KIFC3: variants seen among roughly 807,000 people sequenced by gnomAD.
KIFC3 encodes the protein kinesin family member C3, also known as kinesin-like protein KIFC3.
A neutral mutation model predicts 101.8 loss-of-function variants in KIFC3; 60 were observed. The observed-to-expected ratio is 0.59, with a 90% CI of 0.48 to 0.73. The LOEUF is 0.73. KIFC3 is among the 30% of genes least tolerant of loss of function. The pLI, the probability that KIFC3 is intolerant of heterozygous loss-of-function variation, is 0.00. For missense variants in KIFC3, 966 were observed against 1,137.1 expected (o/e 0.85, Z 2.16); for synonymous variants, 476 against 482.7 (o/e 0.99, Z 0.18).
intron 1 of KIFC3, among the ~76,000 whole-genome samples, chr16:57,815,796 C>T (rs1218464451): frequency 6.6e-6 from 1 of 152,204 alleles, no homozygotes; most frequent in East Asian, 1.9e-4. Context: ...TCTTCTGACT[C>T]TCTACACACA....
Position 57,758,278 on chromosome 16 carries a change from A to AAAT in KIFC3, c.*653_*655dup, listed in dbSNP as rs2049375537. On this transcript the variant is annotated 3_prime_UTR_variant, in exon 20 of 20. Transcript: ENST00000445690. ...AATGGCTAAGCTTCCAAAAGTTCTT[A>AAAT]AATAGGATTTCAGAGGGAAGAAAAT... 1 of 237,762 alleles carries AAAT rather than the reference A, an allele frequency of 4.2e-6. No individual in the cohort carries two copies. The allele number at this position is 237,762 out of a possible 1,614,324, so 14.7% of individuals were successfully genotyped here. A position where few individuals can be genotyped will look rare whatever the true frequency, so the allele number is the denominator to read the frequency against.
intron 1 of KIFC3, among the ~76,000 whole-genome samples, chr16:57,819,638 G>T (rs2055309947): frequency 6.6e-6 from 1 of 151,732 alleles, no homozygotes; most frequent in African/African-American, 2.4e-5. Context: ...TCCGCTCACT[G>T]CAGCCTCCGC....
chr16:57,813,518 T>G lies in KIFC3; in HGVS notation c.109-15236A>C, dbSNP rs184683974. On this transcript the variant is annotated intron_variant, in intron 1 of 2. Coordinates refer to the KIFC3 transcript ENST00000563028. ...TCCTATGCTCTTCATGCCCACCTCC[T>G]GGGGCAAATGGCACCGGATGCCCCT... 6.1e-4 allele frequency: 127 copies of G among 208,196 alleles called. 1 individual carries two copies. In the East Asian group the frequency reaches 0.018, roughly 29 times the overall value. 12.9% of individuals were successfully genotyped at this position (208,196 alleles called of 1,614,324 possible). A position where few individuals can be genotyped will look rare whatever the true frequency, so the allele number is the denominator to read the frequency against.
intron 3 of KIFC3, chr16:57,774,771 C>T: frequency 2.5e-6 from 2 of 815,934 alleles, no homozygotes; most frequent in Admixed American, 4.0e-5. Context: ...AAGCAGTCTT[C>T]CCGCCTCAGC....
intron 3 of KIFC3, among the ~76,000 whole-genome samples, chr16:57,784,713 T>A (rs1598066842): frequency 6.6e-6 from 1 of 151,780 alleles, no homozygotes; most frequent in Non-Finnish European, 1.5e-5. Flanking sequence ...CTTGGGGAAG[T>A]GGGCGAGGCT....
chr16:57,823,428 A>G (rs924023950), intron 1 of KIFC3, among the ~76,000 whole-genome samples: 28 of 152,156 alleles, frequency 1.8e-4, no homozygotes, highest in African/African-American at 6.8e-4. Flanking sequence ...GGACCTCCTG[A>G]GGCTGTGTCA....
intron 1 of KIFC3, among the ~76,000 whole-genome samples, chr16:57,817,220 A>G (rs1382073096): frequency 4.6e-5 from 7 of 152,068 alleles, no homozygotes; most frequent in Non-Finnish European, 7.4e-5. Context: ...TTAGCCGGGC[A>G]TGGTGGTAGG....
At chr16:57,788,520 C>T in intron 3 of KIFC3, 3 of 1,245,864 alleles carry the variant, frequency 2.4e-6, no homozygotes, top group Non-Finnish European at 3.1e-6. Context: ...CAAGAGCCTC[C>T]CTCCTGCGCT....
rs145643444 is a variant in KIFC3, at chr16:57,762,820, C to T, written c.1618-550G>A. Among the ~76,000 whole-genome samples the T allele has an allele frequency of 3.9e-5, 6 of 151,902 alleles. No individual in the cohort carries two copies. In the East Asian group the frequency reaches 1.2e-3, roughly 29 times the overall value. The stretch of plus-strand genomic sequence containing the variant: ...TCACCCCTCTTCTGATAGCACCTCT[C>T]ACTCACTCTCTATTCCGGCCACAGG... On this transcript the variant is annotated intron_variant, in intron 12 of 19. Transcript: ENST00000445690.
intron 3 of KIFC3, among the ~76,000 whole-genome samples, chr16:57,777,447 G>A (rs908954696): frequency 3.9e-5 from 6 of 152,208 alleles, no homozygotes; most frequent in Non-Finnish European, 7.3e-5. Context: ...TTGGCCAGGC[G>A]CGGTGGCTCA....
intron 3 of KIFC3, among the ~76,000 whole-genome samples, chr16:57,790,573 G>T (rs1245709269): frequency 6.6e-6 from 1 of 152,092 alleles, no homozygotes; most frequent in Non-Finnish European, 1.5e-5. Context: ...CTCTTCCTCG[G>T]CTAAGCTGTG....
chr16:57,839,223 G>T (rs147315377), intron 1 of KIFC3, among the ~76,000 whole-genome samples: 25 of 151,896 alleles, frequency 1.6e-4, no homozygotes, highest in Non-Finnish European at 3.5e-4. Flanking sequence ...CATATTTGGG[G>T]TGATGATATC....
chr16:57,803,437 C>T, upstream of KIFC3: 1 of 485,774 alleles, frequency 2.1e-6, no homozygotes, highest in Non-Finnish European at 4.1e-6. Flanking sequence ...CCAGCCCATG[C>T]AGGCTGACGG....
chr16:57,771,468 CA>C (rs2051188640), intron 5 of KIFC3, 31 bp from the exon 6 acceptor site: 1 of 1,612,816 alleles, frequency 6.2e-7, no homozygotes, highest in Admixed American at 1.7e-5. Flanking sequence ...TGGATGAGTG[CA>C]AGGGACAGGC....
chr16:57,834,095 C>T (rs1180278655), intron 1 of KIFC3, among the ~76,000 whole-genome samples: 1 of 152,054 alleles, frequency 6.6e-6, no homozygotes, highest in African/African-American at 2.4e-5. Context: ...ACCTCCTGAC[C>T]TCATGATCTG....
intron 18 of KIFC3, 141 bp from the exon 19 acceptor site, chr16:57,759,294 GGGTCCC>G: frequency 9.8e-7 from 1 of 1,020,716 alleles, no homozygotes; most frequent in South Asian, 1.5e-5. Flanking sequence ...CTGGAGCCCT[GGGTCCC>G]GGTCCTGTGG....
upstream of KIFC3, among the ~76,000 whole-genome samples, chr16:57,804,544 G>A (rs1433043844): frequency 1.3e-5 from 2 of 152,166 alleles, no homozygotes; most frequent in Non-Finnish European, 2.9e-5. Flanking sequence ...TTGTATTTTT[G>A]GAATTCTAGC....
At chr16:57,766,427 C>T (rs1457089421) in intron 10 of KIFC3, among the ~76,000 whole-genome samples, 3 of 152,218 alleles carry the variant, frequency 2.0e-5, no homozygotes, top group Admixed American at 2.0e-4. Flanking sequence ...CTAAAGTGTG[C>T]ACCGGGAGGC....
chr16:57,780,760 C>T (rs1220968178), intron 3 of KIFC3, among the ~76,000 whole-genome samples: 4 of 147,944 alleles, frequency 2.7e-5, no homozygotes, highest in Non-Finnish European at 3.0e-5. Context: ...CTGCAACCTC[C>T]ACCTCCCGGG....
Sources: gnomAD v4.1 joint callset for allele counts (sites outside exome capture counted in the v4.1 genomes callset) on GRCh38, gnomAD v4.1.1 for gene constraint, MANE v1.5 for transcripts, NCBI Gene and HGNC (gene_info 2026-07-23, HGNC 2026-07-21) for gene names.